LUZP2: variants seen among roughly 807,000 people sequenced by gnomAD.
LUZP2 encodes leucine zipper protein 2.
Under a neutral mutation model 51.6 loss-of-function variants are expected in LUZP2, and 52 were observed. That is an observed-to-expected ratio of 1.01 (90% CI 0.81 to 1.27). The LOEUF (loss-of-function observed/expected upper bound fraction) is 1.27. Among genes scored for constraint, LUZP2 ranks in the 50% most tolerant of loss-of-function variants. The probability of loss-of-function intolerance (pLI) is 0.00; values close to 1 mark genes in which losing one functional copy is unlikely to be tolerated. For synonymous variants in LUZP2, 154 were observed against 137.3 expected, an observed-to-expected ratio of 1.12 and a Z score of -0.85; for missense variants, 436 against 395.4, an observed-to-expected ratio of 1.10 and a Z score of -0.87.
At chr11:24,855,839 A>T (rs924041208) in intron 5 of LUZP2, among the ~76,000 whole-genome samples, 1 of 152,182 alleles carries the variant, frequency 6.6e-6, no homozygotes, top group Non-Finnish European at 1.5e-5. Flanking sequence ...TGACAAAGTC[A>T]ATTAGAGCAT....
At chr11:25,070,420 A>C (rs1391272250) in intron 10 of LUZP2, among the ~76,000 whole-genome samples, 1 of 152,084 alleles carries the variant, frequency 6.6e-6, no homozygotes, top group South Asian at 2.1e-4. Context: ...CAACTGACAA[A>C]CCAGGCCCAT....
At chr11:24,711,064 A>G (rs1590381839) in intron 1 of LUZP2, among the ~76,000 whole-genome samples, 2 of 152,278 alleles carry the variant, frequency 1.3e-5, no homozygotes, top group Non-Finnish European at 1.5e-5. Flanking sequence ...GCTAGCATCT[A>G]AAGGGGGAAC....
At chr11:25,066,253 T>A (rs1458455394) in intron 10 of LUZP2, among the ~76,000 whole-genome samples, 1 of 151,960 alleles carries the variant, frequency 6.6e-6, no homozygotes, top group Non-Finnish European at 1.5e-5. Flanking sequence ...TTTCATTCAC[T>A]GTGGCATTGT....
At chr11:25,044,335 C>T (rs1180870726) in intron 9 of LUZP2, among the ~76,000 whole-genome samples, 1 of 139,644 alleles carries the variant, frequency 7.2e-6, no homozygotes, top group Non-Finnish European at 1.5e-5. Context: ...GAATTGAAAT[C>T]CATATTCCTT....
chr11:24,994,210 T>C (rs960194580), intron 9 of LUZP2, among the ~76,000 whole-genome samples: 1 of 147,646 alleles, frequency 6.8e-6, no homozygotes, highest in Non-Finnish European at 1.5e-5. Flanking sequence ...TTAATAAGAC[T>C]TTGCCTAGTG....
chr11:24,659,845 C>T (rs1855956799), intron 1 of LUZP2, among the ~76,000 whole-genome samples: 2 of 151,996 alleles, frequency 1.3e-5, no homozygotes, highest in East Asian at 1.9e-4. Flanking sequence ...AACCTGTTCT[C>T]CTTGAATATG....
intron 4 of LUZP2, among the ~76,000 whole-genome samples, chr11:24,756,703 T>G (rs961892016): frequency 2.6e-5 from 4 of 152,178 alleles, no homozygotes; most frequent in African/African-American, 9.6e-5. Flanking sequence ...TGTGACCAAA[T>G]GTATGGGGAT....
chr11:24,913,114 T>C (rs1853690024), intron 6 of LUZP2, among the ~76,000 whole-genome samples: 1 of 152,186 alleles, frequency 6.6e-6, no homozygotes, highest in Admixed American at 6.5e-5. Context: ...ATTTGACCAA[T>C]GGATAGATTC....
At chr11:24,617,330 G>A (rs1854323011) in intron 1 of LUZP2, among the ~76,000 whole-genome samples, 1 of 151,520 alleles carries the variant, frequency 6.6e-6, no homozygotes, top group African/African-American at 2.4e-5. Context: ...TTTTTCACCT[G>A]ATTTGTGGCT....
chr11:25,042,770 T>G (rs1285307041), intron 9 of LUZP2, among the ~76,000 whole-genome samples: 1 of 152,146 alleles, frequency 6.6e-6, no homozygotes, highest in Admixed American at 6.6e-5. Flanking sequence ...CATTACCACC[T>G]TGCCTTCTAT....
chr11:24,742,375 T>C (rs1859215255), intron 4 of LUZP2, among the ~76,000 whole-genome samples: 1 of 151,894 alleles, frequency 6.6e-6, no homozygotes, highest in Admixed American at 6.6e-5. Context: ...AGTTTATCGA[T>C]TTTTTGATTA....
chr11:25,028,569 A>C (rs1857562723), intron 9 of LUZP2, among the ~76,000 whole-genome samples: 1 of 152,166 alleles, frequency 6.6e-6, no homozygotes, highest in Admixed American at 6.6e-5. Context: ...GTTCTCATTT[A>C]TTTCTGGGAG....
Position 24,536,336 on chromosome 11 carries a change from A to G in LUZP2, c.62+39031A>G, listed in dbSNP as rs79437019. On this transcript the variant is annotated intron_variant, in intron 1 of 11. Transcript: ENST00000336930. ...CATTGATTTCTCTTCTCTAGCTATG[A>G]AAGTCCTCAGTAGCATTTTCTTCTA... 5.4e-3 allele frequency among the ~76,000 whole-genome samples: 820 copies of G among 151,878 alleles called. 4 individuals are homozygous for G. The highest frequency in any genetic ancestry group is 8.9e-3 in the Non-Finnish European group (604 of 67,836).
intron 5 of LUZP2, among the ~76,000 whole-genome samples, chr11:24,827,064 GA>G (rs1268515467): frequency 5.6e-5 from 8 of 141,850 alleles, no homozygotes; most frequent in Non-Finnish European, 6.2e-5. Flanking sequence ...TTCCAATAAG[GA>G]TACAGCTATG....
chr11:24,548,679 G>A (rs1361669049), intron 1 of LUZP2, among the ~76,000 whole-genome samples: 2 of 151,878 alleles, frequency 1.3e-5, no homozygotes, highest in Admixed American at 6.6e-5. Context: ...TAACGAACTT[G>A]CCCAGCTATC....
At chr11:25,052,310 C>T (rs1301260442) in intron 10 of LUZP2, among the ~76,000 whole-genome samples, 10 of 152,190 alleles carry the variant, frequency 6.6e-5, no homozygotes. Flanking sequence ...TACTTCTTAG[C>T]TCTGTCTCCA....
chr11:24,871,878 AT>A (rs1852087311), intron 5 of LUZP2, among the ~76,000 whole-genome samples: 1 of 152,088 alleles, frequency 6.6e-6, no homozygotes, highest in South Asian at 2.1e-4. Context: ...TTAGGAAATA[AT>A]TTCCCCAAAC....
At chr11:24,564,206 C>T (rs1039036377) in intron 1 of LUZP2, among the ~76,000 whole-genome samples, 6 of 152,120 alleles carry the variant, frequency 3.9e-5, no homozygotes, top group African/African-American at 1.4e-4. Context: ...TAGCTGTGAA[C>T]TCCTTGCATG....
intron 1 of LUZP2, among the ~76,000 whole-genome samples, chr11:24,633,952 G>GTATA (rs1854984173): frequency 2.7e-5 from 3 of 113,176 alleles, no homozygotes; most frequent in African/African-American, 1.0e-4. Context: ...GTGTGTGTGT[G>GTATA]TGTGTGTGTG....
Sources: allele counts gnomAD v4.1 joint callset (sites outside exome capture counted in the v4.1 genomes callset), GRCh38; gene constraint gnomAD v4.1.1; transcripts MANE v1.5; gene names NCBI Gene and HGNC (gene_info 2026-07-23, HGNC 2026-07-21).